PHACTR2: variants seen among roughly 807,000 people sequenced by gnomAD.
The protein encoded by PHACTR2 is phosphatase and actin regulator 2.
Under a neutral mutation model 76.0 loss-of-function variants are expected in PHACTR2, and 30 were observed. The observed-to-expected ratio is 0.39, with a 90% CI of 0.30 to 0.54. PHACTR2 has a LOEUF of 0.54. Among genes scored for constraint, PHACTR2 ranks in the 20% least tolerant of loss-of-function variants. PHACTR2 has a pLI of 0.61. For missense variants in PHACTR2, 696 were observed against 781.1 expected (o/e 0.89, Z 1.30); for synonymous variants, 292 against 292.5 (o/e 1.00, Z 0.02).
rs1777777308 is a variant in PHACTR2, at chr6:143,696,644, T to C, written c.47-15372T>C. Among the ~76,000 whole-genome samples the C allele has an allele frequency of 6.6e-6, 1 of 152,226 alleles. No individual in the cohort carries two copies. The highest frequency in any genetic ancestry group is 1.5e-5 in the Non-Finnish European group (1 of 68,032). ...AGATCTTTCTGGCACTGGAAGCCCA[T>C]GTTTTTCCTTTGCAGTACTCACAGG... On this transcript the variant is annotated intron_variant, in intron 1 of 12. Coordinates refer to ENST00000440869, the MANE Select transcript of PHACTR2 (RefSeq NM_001100164.2). This position sits in a 1 kb window ranked among gnomAD's most constrained non-coding sequence, Gnocchi z 4.1.
At chr6:143,771,700 G>C (rs897657892) in intron 6 of PHACTR2, among the ~76,000 whole-genome samples, 2 of 152,056 alleles carry the variant, frequency 1.3e-5, no homozygotes, top group African/African-American at 4.8e-5. Context: ...GCCTTCCAAA[G>C]TGCTGGAGTT....
In PHACTR2 at chr6:143,688,817, A is replaced by G. The variant is rs1777577573; in HGVS notation, c.46+10608A>G. Among the ~76,000 whole-genome samples, 1 of 152,182 alleles carries G rather than the reference A, an allele frequency of 6.6e-6. No individual in the cohort carries two copies. Among genetic ancestry groups the G allele is most frequent in the Non-Finnish European group, 1.5e-5 (1 of 68,034 alleles). The stretch of plus-strand genomic sequence containing the variant: ...CTGCTTCTGTTCCCACCCTTCTGCA[A>G]TTCATTTTCCACAGAACAGCTAAAG... On this transcript the variant is annotated intron_variant, in intron 1 of 12. Transcript: ENST00000440869. The surrounding 1 kb of genome is among the most constrained non-coding windows in gnomAD (Gnocchi z 5.2).
chr6:143,593,907 T>C (rs892734072), intron 1 of PHACTR2, among the ~76,000 whole-genome samples: 1 of 152,240 alleles, frequency 6.6e-6, no homozygotes, highest in African/African-American at 2.4e-5. Flanking sequence ...AATATTCTAA[T>C]GCATACTTTT....
intron 1 of PHACTR2, among the ~76,000 whole-genome samples, chr6:143,686,736 C>T (rs552205732): frequency 7.2e-5 from 11 of 152,168 alleles, no homozygotes; most frequent in Non-Finnish European, 1.0e-4. Context: ...CCACCTGCCT[C>T]GGCCTCCCAA....
chr6:143,747,865 GA>G (rs1244898449), intron 2 of PHACTR2, among the ~76,000 whole-genome samples: 3 of 152,086 alleles, frequency 2.0e-5, no homozygotes, highest in African/African-American at 7.2e-5. Context: ...TGAAAGTGAG[GA>G]ATGGACTTTG....
intron 10 of PHACTR2, among the ~76,000 whole-genome samples, chr6:143,786,006 A>G (rs1478372860): frequency 1.3e-5 from 2 of 152,198 alleles, no homozygotes; most frequent in African/African-American, 2.4e-5. Context: ...GAGGATTAAC[A>G]TTAGCTTCCT....
rs1776276661 is a variant in PHACTR2, at chr6:143,627,189, GTGA to G, written c.13+18872_13+18874del. Among the ~76,000 whole-genome samples, 1 of 152,218 alleles carries G rather than the reference GTGA, an allele frequency of 6.6e-6. No individual in the cohort carries two copies. Among genetic ancestry groups the G allele is most frequent in the African/African-American group, 2.4e-5 (1 of 41,448 alleles). The stretch of plus-strand genomic sequence containing the variant: ...TGGTGATGTAGGGGAGGCTCCAAGG[GTGA>G]TGATATTTGGGCTGGGATGTTTGAA... On this transcript the variant is annotated intron_variant, in intron 1 of 11. Coordinates refer to the PHACTR2 transcript ENST00000305766. This position sits in a 1 kb window ranked among gnomAD's most constrained non-coding sequence, Gnocchi z 4.3.
rs747400800 is a variant in PHACTR2 at position 143,765,812 on chromosome 6, C to A, written c.1232+14C>A. On this transcript the variant is annotated intron_variant, in intron 6 of 12. Transcript: ENST00000440869. The surrounding 1 kb of genome is among the most constrained non-coding windows in gnomAD (Gnocchi z 4.1). The stretch of plus-strand genomic sequence containing the variant: ...AAATGCAAAATGGTGAGTTGGGGAA[C>A]AAACCCCCTATTTTATCTGAGAACT... 6.3e-7 allele frequency: 1 copy of A among 1,589,680 alleles called. No homozygotes were observed. Among genetic ancestry groups the A allele is most frequent in the East Asian group, 2.2e-5 (1 of 44,456 alleles).
rs575028608 is a variant in PHACTR2 at position 143,828,661 on chromosome 6, G to T, written c.*4972G>T. Reference sequence around the variant, plus strand: ...CTGCACACACAAAAAATGTCATTTAGCTTGTCACATTGCTAGCACAGCTGC... The same window carrying T: ...CTGCACACACAAAAAATGTCATTTATCTTGTCACATTGCTAGCACAGCTGC... On this transcript the variant is annotated 3_prime_UTR_variant, in exon 13 of 13. Transcript: ENST00000440869. The surrounding 1 kb of genome is among the most constrained non-coding windows in gnomAD (Gnocchi z 4.7). The T allele has an allele frequency of 6.6e-6, 1 of 152,238 alleles. No individual in the cohort carries two copies. Among genetic ancestry groups the T allele is most frequent in the South Asian group, 2.1e-4 (1 of 4,826 alleles). 9.4% of individuals were successfully genotyped at this position (152,238 alleles called of 1,614,324 possible).
rs549761265 is a variant in PHACTR2, at chr6:143,621,234, C to T, written c.13+12912C>T. On this transcript the variant is annotated intron_variant, in intron 1 of 11. Transcript: ENST00000305766. The surrounding 1 kb of genome is among the most constrained non-coding windows in gnomAD (Gnocchi z 4.1). ...CAAGGTAGACACCTGGCTTATGAAA[C>T]GGGTCTACAGAAAACATCAGGAGGC... Among the ~76,000 whole-genome samples, 21 of 152,244 alleles carry T rather than the reference C, an allele frequency of 1.4e-4. No individual in the cohort carries two copies. The highest frequency in any genetic ancestry group is 2.5e-4 in the Non-Finnish European group (17 of 68,004).
rs749883288 is a variant in PHACTR2 at position 143,616,720 on chromosome 6, A to AAG, written c.13+8399_13+8400dup. On this transcript the variant is annotated intron_variant, in intron 1 of 11. Coordinates refer to the PHACTR2 transcript ENST00000305766. This position sits in a 1 kb window ranked among gnomAD's most constrained non-coding sequence, Gnocchi z 4.9. ...GCTTGGGGTTGTGATCAGTGCTGCT[A>AAG]AGTTAATCAACTGGTATTTGGATAA... Among the ~76,000 whole-genome samples the AAG allele has an allele frequency of 6.6e-6, 1 of 152,196 alleles. No homozygotes were observed. Among genetic ancestry groups the AAG allele is most frequent in the Non-Finnish European group, 1.5e-5 (1 of 68,030 alleles).
At chr6:143,756,614 G>C (rs1459166387) in intron 4 of PHACTR2, among the ~76,000 whole-genome samples, 2 of 151,508 alleles carry the variant, frequency 1.3e-5, no homozygotes, top group African/African-American at 4.8e-5. Context: ...CAGGAGAATG[G>C]CGTGAACCCG....
rs57905621 is a variant in PHACTR2 at position 143,546,357 on chromosome 6, TAAA to T, written c.217+9163_217+9165del. Among the ~76,000 whole-genome samples, 1 of 143,216 alleles carries T rather than the reference TAAA, an allele frequency of 7.0e-6. No individual in the cohort carries two copies. The allele number at this position is 143,216 out of a possible 152,430, so 94.0% of individuals were successfully genotyped here. On this transcript the variant is annotated intron_variant, in intron 1 of 11. Transcript: ENST00000367584. This position sits in a 1 kb window ranked among gnomAD's most constrained non-coding sequence, Gnocchi z 4.9. ...TCGTAACAGGAAGAAACTTGTGACTTAAAAAAAAAAAAAAACATGTTATCTCTC... is the reference window on the plus strand; with the variant it reads ...TCGTAACAGGAAGAAACTTGTGACTTAAAAAAAAAAAACATGTTATCTCTC...
At chr6:143,651,578 C>G (rs987763456) in intron 1 of PHACTR2, among the ~76,000 whole-genome samples, 3 of 152,078 alleles carry the variant, frequency 2.0e-5, no homozygotes, top group East Asian at 1.9e-4. Flanking sequence ...CCTCAGCAAA[C>G]TAATGCAGGA....
intron 11 of PHACTR2, 29 bp downstream of exon 11, chr6:143,788,939 T>G: frequency 1.3e-6 from 2 of 1,586,646 alleles, no homozygotes; most frequent in South Asian, 2.2e-5. Context: ...TTTGTGTTGA[T>G]TGTATTGCTT....
rs1776373551 is a variant in PHACTR2 at position 143,819,816 on chromosome 6, A to G, written c.1923-3858A>G. Among the ~76,000 whole-genome samples the G allele has an allele frequency of 6.6e-6, 1 of 152,082 alleles. No homozygotes were observed. The highest frequency in any genetic ancestry group is 6.6e-5 in the Admixed American group (1 of 15,256). ...CAGACTCACAAGCCAGTCCCTGAAA[A>G]CACCCTCACAGACTGTATTAGGCCA... On this transcript the variant is annotated intron_variant, in intron 12 of 12. Coordinates refer to ENST00000440869, the MANE Select transcript of PHACTR2 (RefSeq NM_001100164.2). The surrounding 1 kb of genome is among the most constrained non-coding windows in gnomAD (Gnocchi z 5.0).
At position 143,592,099 on chromosome 6, in the gene PHACTR2, G is replaced by A. The variant is rs576204494; in HGVS notation, c.217+54892G>A. 1.3e-5 allele frequency among the ~76,000 whole-genome samples: 2 copies of A among 152,306 alleles called. No individual in the cohort carries two copies. Among genetic ancestry groups the A allele is most frequent in the South Asian group, 4.1e-4 (2 of 4,826 alleles). On this transcript the variant is annotated intron_variant, in intron 1 of 11. Transcript: ENST00000367584. This position sits in a 1 kb window ranked among gnomAD's most constrained non-coding sequence, Gnocchi z 4.0. ...CTGAGGAGTGGGTGCTTCAGGCCAG[G>A]AGCCAACTCTCTCAGTGCCACCATG...
intron 2 of PHACTR2, among the ~76,000 whole-genome samples, chr6:143,725,425 C>T (rs377096712): frequency 3.3e-5 from 5 of 150,022 alleles, no homozygotes; most frequent in African/African-American, 1.2e-4. Flanking sequence ...TGGTCTCGAT[C>T]TCCTGACCTC....
chr6:143,715,879 C>T (rs761628), intron 2 of PHACTR2, among the ~76,000 whole-genome samples: 152,355 of 152,356 alleles, frequency 1, 76,177 homozygotes, highest in Non-Finnish European at 1. Flanking sequence ...TTTCTCCTCA[C>T]GCAGAGTCTT....
Sources: allele counts gnomAD v4.1 joint callset (sites outside exome capture counted in the v4.1 genomes callset), GRCh38; gene constraint gnomAD v4.1.1; non-coding constraint Gnocchi (gnomAD v3.1); transcripts MANE v1.5; gene names NCBI Gene and HGNC (gene_info 2026-07-23, HGNC 2026-07-21).